Variants in PUM3 observed in about 807,000 individuals in gnomAD.
The protein encoded by PUM3 is pumilio homolog 3.
In PUM3, 91 loss-of-function variants were observed where a neutral mutation model predicts 84.0. The ratio of observed to expected loss-of-function variants is 1.08; its 90% CI spans 0.91 to 1.29. PUM3 has a LOEUF of 1.29. Ranked by LOEUF, PUM3 falls within the 50% of genes most tolerant of loss-of-function variation. PUM3 has a pLI of 0.00. For missense variants in PUM3, 1,067 were observed against 767.5 expected, an observed-to-expected ratio of 1.39 and a Z score of -4.61; for synonymous variants, 321 against 266.7, an observed-to-expected ratio of 1.20 and a Z score of -1.98.
intron 8 of PUM3, among the ~76,000 whole-genome samples, chr9:2,829,223 A>T (rs1815906963): frequency 6.6e-6 from 1 of 152,234 alleles, no homozygotes; most frequent in Non-Finnish European, 1.5e-5. Context: ...CTTCAGACAC[A>T]TGTGTGCATT....
chr9:2,843,365 T>C (rs1317210953), intron 1 of PUM3, among the ~76,000 whole-genome samples: 2 of 152,082 alleles, frequency 1.3e-5, no homozygotes, highest in African/African-American at 4.8e-5. Flanking sequence ...CTCCACTATC[T>C]GCCAACTCAG....
chr9:2,837,538 T>C, intron 2 of PUM3, 137 bp from the exon 3 acceptor site: 5 of 611,160 alleles, frequency 8.2e-6, no homozygotes, highest in Non-Finnish European at 1.4e-5. Flanking sequence ...ACATATAGCC[T>C]TTTGAGTAGA....
intron 10 of PUM3, among the ~76,000 whole-genome samples, chr9:2,826,684 C>T (rs954753526): frequency 2.0e-5 from 3 of 152,146 alleles, no homozygotes; most frequent in African/African-American, 7.2e-5. Context: ...CTTAGTTTTA[C>T]AAACATATCC....
chr9:2,805,493 A>G (rs1586714463), intron 17 of PUM3, among the ~76,000 whole-genome samples: 1 of 152,296 alleles, frequency 6.6e-6, no homozygotes, highest in Non-Finnish European at 1.5e-5. Flanking sequence ...GTAACTTCCA[A>G]TATGTCAACA....
At chr9:2,843,795 G>A (rs904609498) in intron 1 of PUM3, among the ~76,000 whole-genome samples, 3 of 151,822 alleles carry the variant, frequency 2.0e-5, no homozygotes, top group Admixed American at 1.3e-4. Context: ...AGCCAGGATG[G>A]TCTCGATCTC....
At chr9:2,826,960 T>A (rs1307201284) in intron 10 of PUM3, 113 bp downstream of exon 10, 14 of 755,826 alleles carry the variant, frequency 1.9e-5, no homozygotes, top group Non-Finnish European at 3.1e-5. Context: ...CTTCCCTAAA[T>A]AAGGAAGCAA....
At chr9:2,842,106 G>A (rs1035526732) in intron 1 of PUM3, among the ~76,000 whole-genome samples, 5 of 152,154 alleles carry the variant, frequency 3.3e-5, no homozygotes, top group African/African-American at 1.2e-4. Flanking sequence ...AACTTTTTGA[G>A]TCTTGCTTTT....
intron 12 of PUM3, among the ~76,000 whole-genome samples, chr9:2,823,383 A>T (rs1177888854): frequency 6.6e-6 from 1 of 152,122 alleles, no homozygotes; most frequent in Non-Finnish European, 1.5e-5. Flanking sequence ...TCATAAGGAA[A>T]ACTACTATCA....
In PUM3 at chr9:2,827,135, G is replaced by A. The variant is rs1323464217; in HGVS notation, c.973C>T (p.His325Tyr). 1 of 1,608,448 alleles carries A rather than the reference G, an allele frequency of 6.2e-7. No homozygotes were observed. The highest frequency in any genetic ancestry group is 1.7e-5 in the Admixed American group (1 of 59,212). ...PMAQKEAVIK[H>Y]SLVHKVFLDF... Reference sequence around the variant, plus strand: ...AAGAATACTTTATGCACCAATGAGTGCTTAATCACAGCTTCCCTGAAAACA... The same window carrying A: ...AAGAATACTTTATGCACCAATGAGTACTTAATCACAGCTTCCCTGAAAACA... Residue 325 changes from histidine to tyrosine, a missense_variant, in exon 10 of 18, where the codon CAC becomes TAC. Coordinates refer to ENST00000397885, the MANE Select transcript of PUM3 (RefSeq NM_014878.5).
At chr9:2,804,787 T>C (rs1821227082) in intron 17 of PUM3, among the ~76,000 whole-genome samples, 1 of 152,218 alleles carries the variant, frequency 6.6e-6, no homozygotes, top group South Asian at 2.1e-4. Context: ...ACATGTATTC[T>C]ATCTTCCCTT....
rs570408149 is a variant in PUM3 at position 2,820,410 on chromosome 9, C to G, written c.1189-312G>C. 1.8e-4 allele frequency among the ~76,000 whole-genome samples: 28 copies of G among 151,940 alleles called. No homozygotes were observed. In the East Asian group the frequency reaches 2.3e-3, roughly 13 times the overall value. On this transcript the variant is annotated intron_variant, in intron 12 of 17. Transcript: ENST00000397885. ...TACATAGGTTACTGTTAATGAATAG[C>G]TACTTGAAAATTATACTTAAAAGTT... is the stretch of plus-strand genomic sequence containing the variant.
At chr9:2,811,688 C>G in intron 14 of PUM3, 105 bp from the exon 15 acceptor site, 2 of 718,692 alleles carry the variant, frequency 2.8e-6, no homozygotes, top group Non-Finnish European at 4.7e-6. Flanking sequence ...CTGTATCGCA[C>G]TCTATTATTA....
In PUM3 at chr9:2,820,026, T is replaced by A. The variant is rs1000364099; in HGVS notation, c.1261A>T (p.Ile421Phe). 1 of 1,605,338 alleles carries A rather than the reference T, an allele frequency of 6.2e-7. No homozygotes were observed. Among genetic ancestry groups the A allele is most frequent in the Admixed American group, 1.7e-5 (1 of 59,980 alleles). ...IDDTKLVKQI[I>F]ISEIISSLPS... ...CCATCAGGATTACTTACTGATATGATTATCTGCTTCACAAGCTTAGTATCA... is the reference window on the plus strand; with the variant it reads ...CCATCAGGATTACTTACTGATATGAATATCTGCTTCACAAGCTTAGTATCA... Residue 421 changes from isoleucine (I) to phenylalanine (F), a missense_variant, in exon 13 of 18, where the codon ATC becomes TTC. Coordinates refer to ENST00000397885, the MANE Select transcript of PUM3 (RefSeq NM_014878.5).
rs1816343259 is a variant in PUM3, at chr9:2,844,072, G to T, written c.-38C>A. 1.9e-5 allele frequency: 3 copies of T among 159,078 alleles called. No homozygotes were observed. Among genetic ancestry groups the T allele is most frequent in the African/African-American group, 2.4e-5 (1 of 41,438 alleles). The allele number at this position is 159,078 out of a possible 1,614,324, so 9.9% of individuals were successfully genotyped here. A position where few individuals can be genotyped will look rare whatever the true frequency, so the allele number is the denominator to read the frequency against. On this transcript the variant is annotated 5_prime_UTR_variant, in exon 1 of 18. Transcript: ENST00000397885. ...CACACGTGGGACCGAGACAGCTCGC[G>T]CAGCGGATCCCGACCGCCTCTCCGC...
At position 2,818,506 on chromosome 9, in the gene PUM3, C is replaced by G. The variant is rs184239186; in HGVS notation, c.1269+1512G>C. 3.3e-5 allele frequency among the ~76,000 whole-genome samples: 5 copies of G among 152,264 alleles called. No homozygotes were observed. In the East Asian group the frequency reaches 9.7e-4, roughly 29 times the overall value. On this transcript the variant is annotated intron_variant, in intron 13 of 17. Transcript: ENST00000397885. ...GAACAGCTATGCACATTTTAGTTGTCGTGAAAATATTAAACAAAAGCAAAC... is the reference window on the plus strand; with the variant it reads ...GAACAGCTATGCACATTTTAGTTGTGGTGAAAATATTAAACAAAAGCAAAC...
At chr9:2,820,231 A>G (rs983334900) in intron 12 of PUM3, 133 bp from the exon 13 acceptor site, 2 of 521,088 alleles carry the variant, frequency 3.8e-6, no homozygotes, top group African/African-American at 3.8e-5. Context: ...GATTACCTAC[A>G]TTGACAACTT....
At chr9:2,807,971 A>C (rs1821295533) in intron 16 of PUM3, 67 bp from the exon 17 acceptor site, 1 of 979,378 alleles carries the variant, frequency 1.0e-6, no homozygotes, top group South Asian at 1.4e-5. Flanking sequence ...CCCCTTCTCT[A>C]CTGCCCTTAA....
chr9:2,828,177 G>C (rs574862324), intron 9 of PUM3, among the ~76,000 whole-genome samples: 6 of 152,260 alleles, frequency 3.9e-5, no homozygotes, highest in Admixed American at 2.6e-4. Context: ...AAGTAGCCAA[G>C]ACTATACACA....
chr9:2,818,271 C>T (rs1036354580), intron 13 of PUM3, among the ~76,000 whole-genome samples: 4 of 152,166 alleles, frequency 2.6e-5, no homozygotes. Flanking sequence ...GGAAAGAGAT[C>T]GGCAAATCAG....
Sources: allele counts gnomAD v4.1 joint callset (sites outside exome capture counted in the v4.1 genomes callset), GRCh38; gene constraint gnomAD v4.1.1; transcripts MANE v1.5; gene names NCBI Gene and HGNC (gene_info 2026-07-23, HGNC 2026-07-21).